The following MPHOSPH9 variants were observed in gnomAD, a reference collection of about 807,000 sequenced individuals.
MPHOSPH9 encodes M-phase phosphoprotein 9.
In MPHOSPH9, 88 loss-of-function variants were observed where a neutral mutation model predicts 145.5. The ratio of observed to expected loss-of-function variants is 0.60; its 90% CI spans 0.51 to 0.72. The LOEUF is 0.72. Among genes scored for constraint, MPHOSPH9 ranks in the 30% least tolerant of loss-of-function variants. The probability of loss-of-function intolerance (pLI) is 0.00; values close to 1 mark genes in which losing one functional copy is unlikely to be tolerated. For synonymous variants in MPHOSPH9, 435 were observed against 486.2 expected, an observed-to-expected ratio of 0.89 and a Z score of 1.39; for missense variants, 1,238 against 1,386.6, an observed-to-expected ratio of 0.89 and a Z score of 1.70.
At chr12:123,183,158 A>G (rs1338544453) in intron 13 of MPHOSPH9, among the ~76,000 whole-genome samples, 1 of 152,188 alleles carries the variant, frequency 6.6e-6, no homozygotes, top group Non-Finnish European at 1.5e-5. Context: ...TCACCCTCAG[A>G]GTCCACTAAA....
At chr12:123,223,446 C>T (rs2047301247) in intron 3 of MPHOSPH9, among the ~76,000 whole-genome samples, 1 of 152,202 alleles carries the variant, frequency 6.6e-6, no homozygotes. Flanking sequence ...CTAAGCTCTC[C>T]TTAGACGGCT....
At position 123,243,529 on chromosome 12, in the gene MPHOSPH9, CAAA is replaced by C. The variant is rs55817401; in HGVS notation, c.-159+321_-159+323del. ...TGGGCGACAGAGCGAGACTCCGTCT[CAAA>C]AAAAAAAAAAAAAAATACAAAAATT... is the stretch of plus-strand genomic sequence containing the variant. On this transcript the variant is annotated intron_variant, in intron 1 of 2. Coordinates refer to the MPHOSPH9 transcript ENST00000545406. Among the ~76,000 whole-genome samples the C allele has an allele frequency of 8.1e-3, 953 of 117,748 alleles. 12 individuals are homozygous for C. The highest frequency in any genetic ancestry group is 0.03 in the African/African-American group (859 of 28,238). The allele number at this position is 117,748 out of a possible 152,430, so 77.2% of individuals were successfully genotyped here.
At chr12:123,198,442 G>T (rs1189940074) in intron 11 of MPHOSPH9, 108 bp from the exon 12 acceptor site, 2 of 842,480 alleles carry the variant, frequency 2.4e-6, no homozygotes, top group Non-Finnish European at 3.7e-6. Flanking sequence ...AAATTCTCCA[G>T]TGTTAACTAA....
At chr12:123,227,102 A>C (rs544633875) in intron 3 of MPHOSPH9, among the ~76,000 whole-genome samples, 1 of 152,216 alleles carries the variant, frequency 6.6e-6, no homozygotes, top group Non-Finnish European at 1.5e-5. Flanking sequence ...AAAATATTTC[A>C]AAGTGGATTT....
intron 16 of MPHOSPH9, among the ~76,000 whole-genome samples, chr12:123,172,445 G>A (rs2044624897): frequency 6.6e-6 from 1 of 151,774 alleles, no homozygotes; most frequent in South Asian, 2.1e-4. Flanking sequence ...CGATTCTCCT[G>A]CCTCAGCCTC....
chr12:123,185,880 T>C (rs148550792), intron 13 of MPHOSPH9, among the ~76,000 whole-genome samples: 19 of 152,258 alleles, frequency 1.2e-4, no homozygotes, highest in African/African-American at 4.6e-4. Flanking sequence ...TGTATTTACA[T>C]ATTAGTATTA....
chr12:123,241,797 G>A (rs1418098002), intron 1 of MPHOSPH9, among the ~76,000 whole-genome samples: 1 of 152,186 alleles, frequency 6.6e-6, no homozygotes, highest in Non-Finnish European at 1.5e-5. Flanking sequence ...AGTTGAACAT[G>A]CCATCCCTGC....
At chr12:123,193,028 C>T (rs1201023127) in intron 13 of MPHOSPH9, among the ~76,000 whole-genome samples, 3 of 139,462 alleles carry the variant, frequency 2.2e-5, no homozygotes, top group Admixed American at 1.6e-4. Flanking sequence ...GCCAAAATCA[C>T]GCCACTGCAC....
Position 123,210,272 on chromosome 12 carries a change from G to C in MPHOSPH9, c.1088-110C>G. On this transcript the variant is annotated intron_variant, in intron 7 of 23. Transcript: ENST00000606320. ...TTAAATATGGGAAGAAATTAATTTTGGGTTAAAGTAATTTGAATTTTGATG... is the reference window on the plus strand; with the variant it reads ...TTAAATATGGGAAGAAATTAATTTTCGGTTAAAGTAATTTGAATTTTGATG... The C allele has an allele frequency of 7.0e-6, 4 of 569,632 alleles. No individual in the cohort carries two copies. The South Asian group carries it at 1.6e-4, about 22-fold the overall frequency. The allele number at this position is 569,632 out of a possible 1,614,324, so 35.3% of individuals were successfully genotyped here.
Position 123,239,842 on chromosome 12 carries a change from C to T in MPHOSPH9, c.-159+4011G>A, listed in dbSNP as rs116697945. ...TGTCACCATCTCTGCTAGCTCAAAT[C>T]AGTATTTGTTTAATTCTTTTCTTGG... On this transcript the variant is annotated intron_variant, in intron 1 of 2. Coordinates refer to the MPHOSPH9 transcript ENST00000545406. Among the ~76,000 whole-genome samples the T allele has an allele frequency of 7.9e-3, 1,197 of 152,192 alleles. 15 individuals carry two copies. The highest frequency in any genetic ancestry group is 0.027 in the African/African-American group (1,127 of 41,522).
chr12:123,193,108 T>TATACACAC (rs1326040192), intron 13 of MPHOSPH9, among the ~76,000 whole-genome samples: 29 of 94,894 alleles, frequency 3.1e-4, no homozygotes, highest in African/African-American at 1.1e-3. Flanking sequence ...TATATATATA[T>TATACACAC]ACACACACAC....
Position 123,163,110 on chromosome 12 carries a change from G to A in MPHOSPH9, c.2933C>T (p.Pro978Leu). The A allele has an allele frequency of 6.3e-7, 1 of 1,586,544 alleles. No individual in the cohort carries two copies. Among genetic ancestry groups the A allele is most frequent in the Non-Finnish European group, 8.5e-7 (1 of 1,171,808 alleles). Residue 978 changes from proline (P) to leucine (L), a missense_variant, in exon 20 of 24, where the codon CCA (proline) becomes CTA (leucine). Pro to Leu is a moderately conservative substitution (Grantham distance 98, BLOSUM62 -3). Around this residue, in one of 3 missense-constraint regions of MPHOSPH9, gnomAD observed 393 missense variants for 462.5 expected, o/e 0.85. Coordinates refer to ENST00000606320, the MANE Select transcript of MPHOSPH9 (RefSeq NM_022782.4). ...TPTKREIMLTPVTVAYSPKRS... is the reference protein window; with the variant it reads ...TPTKREIMLTLVTVAYSPKRS... Reference sequence around the variant, plus strand: ...CTTTGGACTATAAGCCACAGTCACTGGTGTTAGCATAATCTCTCTTTTTGC... The same window carrying A: ...CTTTGGACTATAAGCCACAGTCACTAGTGTTAGCATAATCTCTCTTTTTGC...
chr12:123,160,789 A>G lies in MPHOSPH9; in HGVS notation c.3442T>C (p.Leu1148=). The change falls in exon 23 of 24, where the codon TTA becomes CTA. Residue 1148 remains leucine (L), a synonymous_variant. Coordinates refer to ENST00000606320, the MANE Select transcript of MPHOSPH9 (RefSeq NM_022782.4). ...AAGCTAAGACATTTCACCTGATTTA[A>G]TCTTGTCTGTAAAGTGATTCGTCCT... ...PGGRITLQTR[L]NQEALEDRLE... The G allele has an allele frequency of 6.2e-7, 1 of 1,613,906 alleles. No individual in the cohort carries two copies. Among genetic ancestry groups the G allele is most frequent in the Non-Finnish European group, 8.5e-7 (1 of 1,179,968 alleles).
At chr12:123,183,585 G>GT (rs1488728795) in intron 13 of MPHOSPH9, among the ~76,000 whole-genome samples, 1 of 141,890 alleles carries the variant, frequency 7.0e-6, no homozygotes, top group Admixed American at 7.1e-5. Flanking sequence ...AAGGAAAAAA[G>GT]TGCCTTAGCA....
At chr12:123,224,130 A>ATT (rs1156810609) in intron 3 of MPHOSPH9, among the ~76,000 whole-genome samples, 25 of 81,016 alleles carry the variant, frequency 3.1e-4, no homozygotes, top group African/African-American at 4.8e-4. Context: ...ATATATACAC[A>ATT]TTTTTTTTTT....
intron 13 of MPHOSPH9, among the ~76,000 whole-genome samples, chr12:123,188,447 A>G (rs1330279010): frequency 6.6e-6 from 1 of 152,226 alleles, no homozygotes; most frequent in Non-Finnish European, 1.5e-5. Context: ...AGCCACAGCA[A>G]TATTTCCAGA....
intron 2 of MPHOSPH9, among the ~76,000 whole-genome samples, chr12:123,228,351 A>G (rs941483919): frequency 6.6e-6 from 1 of 152,216 alleles, no homozygotes; most frequent in African/African-American, 2.4e-5. Context: ...AAATAAATAA[A>G]AATAACAATA....
intron 7 of MPHOSPH9, among the ~76,000 whole-genome samples, chr12:123,214,374 A>G (rs956155025): frequency 6.6e-6 from 1 of 152,138 alleles, no homozygotes; most frequent in Non-Finnish European, 1.5e-5. Flanking sequence ...CCCTGTCTCT[A>G]CAAAAAAATA....
At chr12:123,226,301 T>A in intron 3 of MPHOSPH9, 1 of 1,144,318 alleles carries the variant, frequency 8.7e-7, no homozygotes, top group Middle Eastern at 3.2e-4. Context: ...TAGCAGTTGC[T>A]GCTATCGAAT....
Sources: allele counts gnomAD v4.1 joint callset (sites outside exome capture counted in the v4.1 genomes callset), GRCh38; gene constraint gnomAD v4.1.1; regional missense constraint gnomAD v4.1.1; transcripts MANE v1.5; gene names NCBI Gene and HGNC (gene_info 2026-07-23, HGNC 2026-07-21).